The following PALS2 variants were observed in gnomAD, a reference collection of about 807,000 sequenced individuals.
The protein encoded by PALS2 is protein PALS2.
In PALS2, 27 loss-of-function variants were observed where a neutral mutation model predicts 61.6. The ratio of observed to expected loss-of-function variants is 0.44; its 90% confidence interval spans 0.32 to 0.60. PALS2 has a LOEUF of 0.60. PALS2 is among the 20% of genes least tolerant of loss of function. The probability of loss-of-function intolerance (pLI) is 0.05; values close to 1 mark genes in which losing one functional copy is unlikely to be tolerated. For missense variants in PALS2, 554 were observed against 639.4 expected (o/e 0.87, Z 1.44); for synonymous variants, 236 against 218.6 (o/e 1.08, Z -0.70).
chr7:24,607,715 T>G (rs185503683), intron 1 of PALS2, among the ~76,000 whole-genome samples: 218 of 152,004 alleles, frequency 1.4e-3, no homozygotes, highest in African/African-American at 5.0e-3. Flanking sequence ...GGATGCTGAT[T>G]GCCACACTAA....
chr7:24,584,274 A>G (rs1782969086), intron 1 of PALS2, among the ~76,000 whole-genome samples: 1 of 125,888 alleles, frequency 7.9e-6, no homozygotes, highest in African/African-American at 3.0e-5. Context: ...TTACAGTCCC[A>G]CCAACAGTGT....
chr7:24,618,545 G>A lies in PALS2; in HGVS notation c.-2-5121G>A, dbSNP rs777988543. Among the ~76,000 whole-genome samples, 4 of 152,254 alleles carry A rather than the reference G, an allele frequency of 2.6e-5. No individual in the cohort carries two copies. The highest frequency in any genetic ancestry group is 5.9e-5 in the Non-Finnish European group (4 of 68,030). On this transcript the variant is annotated intron_variant, in intron 1 of 11. Transcript: ENST00000222644. This position sits in a 1 kb window ranked among gnomAD's most constrained non-coding sequence, Gnocchi z 5.1. The stretch of plus-strand genomic sequence containing the variant: ...TGTGCTCCCAGTCTGGGGGAATACA[G>A]CTGTGTGAATTCACAGCAGCTCCCC...
chr7:24,661,162 A>G (rs1786699262), intron 5 of PALS2, among the ~76,000 whole-genome samples: 2 of 152,170 alleles, frequency 1.3e-5, no homozygotes, highest in South Asian at 4.1e-4. Flanking sequence ...TTAATAAAAT[A>G]TAATTATACT....
intron 8 of PALS2, among the ~76,000 whole-genome samples, chr7:24,667,677 T>TC (rs1211620936): frequency 1.3e-4 from 18 of 140,524 alleles, no homozygotes; most frequent in Admixed American, 6.6e-4. Flanking sequence ...TTTTTTTTTT[T>TC]TTTTTTGAGA....
intron 5 of PALS2, among the ~76,000 whole-genome samples, chr7:24,654,160 A>T (rs889874738): frequency 6.6e-6 from 1 of 152,030 alleles, no homozygotes; most frequent in Non-Finnish European, 1.5e-5. Context: ...TTTATTGGCA[A>T]TTAATTAGCC....
chr7:24,595,516 A>AAT (rs55695938), intron 1 of PALS2, among the ~76,000 whole-genome samples: 5 of 114,916 alleles, frequency 4.4e-5, no homozygotes, highest in Non-Finnish European at 6.6e-5. Flanking sequence ...TATAATATAT[A>AAT]ATATATATAA....
chr7:24,633,604 A>G (rs10270776), intron 2 of PALS2, among the ~76,000 whole-genome samples: 20,585 of 151,864 alleles, frequency 0.14, 1,713 homozygotes, highest in Admixed American at 0.24. Context: ...TTTGGTGTCC[A>G]TCATTAATTT....
intron 4 of PALS2, among the ~76,000 whole-genome samples, chr7:24,650,225 G>A (rs1427964173): frequency 6.6e-6 from 1 of 152,126 alleles, no homozygotes; most frequent in Admixed American, 6.6e-5. Context: ...CCAGGAATAA[G>A]TCCATCAGAA....
At chr7:24,686,688 CTT>C (rs1378585914) in intron 11 of PALS2, among the ~76,000 whole-genome samples, 1 of 152,182 alleles carries the variant, frequency 6.6e-6, no homozygotes, top group African/African-American at 2.4e-5. Flanking sequence ...AACCCTCTCT[CTT>C]ATTCATTGTC....
chr7:24,585,503 T>C (rs1286347842), intron 1 of PALS2, among the ~76,000 whole-genome samples: 1 of 152,150 alleles, frequency 6.6e-6, no homozygotes, highest in Non-Finnish European at 1.5e-5. Context: ...AAAAAAATGC[T>C]TTTAGTAACC....
At chr7:24,594,513 T>A (rs1222379407) in intron 1 of PALS2, among the ~76,000 whole-genome samples, 1 of 152,146 alleles carries the variant, frequency 6.6e-6, no homozygotes, top group Admixed American at 6.6e-5. Flanking sequence ...CTTGCTCCTC[T>A]TCCTTTCACT....
At chr7:24,665,735 T>G in intron 7 of PALS2, 48 bp downstream of exon 7, 1 of 1,509,140 alleles carries the variant, frequency 6.6e-7, no homozygotes, top group Non-Finnish European at 9.2e-7. Context: ...TGTGACCACC[T>G]TTCTTTGTCT....
chr7:24,601,006 A>G (rs1383387571), intron 1 of PALS2, among the ~76,000 whole-genome samples: 1 of 152,082 alleles, frequency 6.6e-6, no homozygotes, highest in Non-Finnish European at 1.5e-5. Flanking sequence ...CCCCAACTCT[A>G]TTTCTGTTTC....
At position 24,691,754 on chromosome 7, in the gene PALS2, C is replaced by A. The variant is rs1788490033; in HGVS notation, c.*4140C>A. ...TTCTTATTTAAACTTTTGAATGAAT[C>A]TTTAATATGATTCAGGCTGAGATTA... On this transcript the variant is annotated 3_prime_UTR_variant, in exon 12 of 12. Coordinates refer to ENST00000222644, the MANE Select transcript of PALS2 (RefSeq NM_001303037.2). 1 of 151,922 alleles carries A rather than the reference C, an allele frequency of 6.6e-6. No individual in the cohort carries two copies. Among genetic ancestry groups the A allele is most frequent in the African/African-American group, 2.4e-5 (1 of 41,412 alleles). 9.4% of individuals were successfully genotyped at this position (151,922 alleles called of 1,614,324 possible).
chr7:24,589,439 C>T (rs1406484678), intron 1 of PALS2: 2 of 152,122 alleles, frequency 1.3e-5, no homozygotes, highest in Admixed American at 1.3e-4. Context: ...TGCTGCTTCT[C>T]GAAAGAAGTT....
intron 9 of PALS2, among the ~76,000 whole-genome samples, chr7:24,677,378 A>G (rs1267537026): frequency 4.6e-5 from 7 of 151,832 alleles, no homozygotes; most frequent in Non-Finnish European, 8.8e-5. Flanking sequence ...TCTCTTGCCT[A>G]ATTGCCCTGG....
intron 2 of PALS2, among the ~76,000 whole-genome samples, chr7:24,640,924 C>T (rs975684171): frequency 9.9e-4 from 139 of 139,838 alleles, no homozygotes; most frequent in African/African-American, 3.3e-3. Context: ...AGGAGAATGG[C>T]GTGAACCCGG....
intron 11 of PALS2, among the ~76,000 whole-genome samples, chr7:24,682,747 C>T (rs1787999031): frequency 6.6e-6 from 1 of 152,122 alleles, no homozygotes; most frequent in Non-Finnish European, 1.5e-5. Flanking sequence ...CTCACTGCCA[C>T]CCTCCCTTCC....
intron 10 of PALS2, 136 bp downstream of exon 10, chr7:24,679,469 A>T: frequency 1.3e-6 from 1 of 775,088 alleles, no homozygotes; most frequent in Non-Finnish European, 2.1e-6. Flanking sequence ...CCTTTGGGTG[A>T]TAGAGAATGT....
Sources: allele counts gnomAD v4.1 joint callset (sites outside exome capture counted in the v4.1 genomes callset), GRCh38; gene constraint gnomAD v4.1.1; non-coding constraint Gnocchi (gnomAD v3.1); transcripts MANE v1.5; gene names NCBI Gene and HGNC (gene_info 2026-07-23, HGNC 2026-07-21).